The following BMP5 variants were observed in gnomAD, a reference collection of about 807,000 sequenced individuals.
BMP5 encodes the protein bone morphogenetic protein 5.
BMP5 carries 23 observed loss-of-function variants against 46.6 expected under a neutral mutation model. The observed-to-expected ratio is 0.49, with a 90% CI of 0.35 to 0.70. The LOEUF is 0.70. Ranked by LOEUF, BMP5 falls within the 30% of genes least tolerant of loss-of-function variation. BMP5 has a pLI of 0.00. For synonymous variants in BMP5, 204 were observed against 191.9 expected (o/e 1.06, Z -0.52); for missense variants, 545 against 565.6 (o/e 0.96, Z 0.37).
At chr6:55,806,633 G>C (rs1375932329) in intron 2 of BMP5, among the ~76,000 whole-genome samples, 5 of 152,114 alleles carry the variant, frequency 3.3e-5, no homozygotes, top group Admixed American at 3.3e-4. Flanking sequence ...GATGGGAATA[G>C]CACTGAATCT....
chr6:55,817,680 A>G (rs1462348186), intron 2 of BMP5, among the ~76,000 whole-genome samples: 1 of 152,086 alleles, frequency 6.6e-6, no homozygotes, highest in Admixed American at 6.6e-5. Context: ...CAGCACACCA[A>G]CATGGCACAT....
chr6:55,841,183 G>T (rs1274284556), intron 1 of BMP5, among the ~76,000 whole-genome samples: 1 of 152,166 alleles, frequency 6.6e-6, no homozygotes, highest in African/African-American at 2.4e-5. Flanking sequence ...TGGAAAAATT[G>T]TCTTCCTCAA....
At chr6:55,835,377 T>C (rs1010416514) in intron 1 of BMP5, among the ~76,000 whole-genome samples, 3 of 152,170 alleles carry the variant, frequency 2.0e-5, no homozygotes, top group Admixed American at 1.3e-4. Context: ...GCAGAAATTA[T>C]TTCCTGGATT....
intron 1 of BMP5, among the ~76,000 whole-genome samples, chr6:55,859,459 T>C (rs1207204880): frequency 1.3e-5 from 2 of 152,230 alleles, no homozygotes; most frequent in African/African-American, 2.4e-5. Flanking sequence ...ATGAATTGTC[T>C]AGCTGATATT....
chr6:55,762,077 T>C (rs2127516413), intron 4 of BMP5, among the ~76,000 whole-genome samples: 1 of 152,232 alleles, frequency 6.6e-6, no homozygotes, highest in South Asian at 2.1e-4. Flanking sequence ...AATATAAATG[T>C]AGAATTTCAA....
intron 1 of BMP5, among the ~76,000 whole-genome samples, chr6:55,831,984 T>A (rs1473697517): frequency 6.6e-6 from 1 of 151,674 alleles, no homozygotes; most frequent in Non-Finnish European, 1.5e-5. Flanking sequence ...AGAAGGGAGA[T>A]TTCAGGACAA....
In BMP5 at chr6:55,774,181, G is replaced by T. The variant is rs1003391561; in HGVS notation, c.895C>A (p.Pro299Thr). ...GCCTTGAAGAAGGCCACCATGAATG[G>T]TTGTTTTGACTGAGGTCCCTGTCTT... ...VGRQGPQSKQ[P>T]FMVAFFKASE... The change falls in exon 4 of 7, where the codon CCA (proline) becomes ACA (threonine). Residue 299 changes from proline to threonine, a missense_variant. By Grantham distance (38) the Pro-to-Thr change is conservative. Transcript: ENST00000370830. 6.2e-7 allele frequency: 1 copy of T among 1,612,912 alleles called. No individual in the cohort carries two copies. The highest frequency in any genetic ancestry group is 1.7e-5 in the Admixed American group (1 of 59,850).
chr6:55,808,741 G>C (rs990269752), intron 2 of BMP5, among the ~76,000 whole-genome samples: 4 of 152,158 alleles, frequency 2.6e-5, no homozygotes, highest in African/African-American at 9.7e-5. Context: ...GAGGCCCTCA[G>C]GTGGGCCACC....
At chr6:55,857,829 C>T (rs1215161344) in intron 1 of BMP5, among the ~76,000 whole-genome samples, 1 of 144,844 alleles carries the variant, frequency 6.9e-6, no homozygotes, top group Admixed American at 6.8e-5. Context: ...ACCTCCACCT[C>T]CCAGGCTCAA....
At chr6:55,839,326 T>A (rs531730799) in intron 1 of BMP5, among the ~76,000 whole-genome samples, 1 of 152,236 alleles carries the variant, frequency 6.6e-6, no homozygotes, top group Admixed American at 6.5e-5. Context: ...TCATCATTTA[T>A]TATTAATTTA....
At chr6:55,817,898 T>C (rs1033939342) in intron 2 of BMP5, among the ~76,000 whole-genome samples, 2 of 152,166 alleles carry the variant, frequency 1.3e-5, no homozygotes, top group Non-Finnish European at 2.9e-5. Flanking sequence ...ATGTACATAA[T>C]GGAAACCCTG....
At chr6:55,860,138 A>T (rs1413168279) in intron 1 of BMP5, among the ~76,000 whole-genome samples, 1 of 152,148 alleles carries the variant, frequency 6.6e-6, no homozygotes, top group Admixed American at 6.5e-5. Flanking sequence ...AGCCATGTGC[A>T]GTGGCATGGG....
At chr6:55,781,566 C>A (rs1775318026) in intron 3 of BMP5, among the ~76,000 whole-genome samples, 1 of 150,976 alleles carries the variant, frequency 6.6e-6, no homozygotes, top group Non-Finnish European at 1.5e-5. Context: ...TACTGAGTAT[C>A]TAAAGGAGAT....
At chr6:55,819,881 G>A in intron 1 of BMP5, 34 bp from the exon 2 acceptor site, 8 of 1,533,854 alleles carry the variant, frequency 5.2e-6, no homozygotes, top group Non-Finnish European at 7.2e-6. Context: ...GGGGAAAAAA[G>A]TTAGTCTTTT....
At chr6:55,786,251 GA>G (rs1562037353) in intron 3 of BMP5, among the ~76,000 whole-genome samples, 1 of 151,622 alleles carries the variant, frequency 6.6e-6, no homozygotes, top group East Asian at 1.9e-4. Context: ...TTTTATACAT[GA>G]ATATAATGCT....
At chr6:55,874,159 C>T (rs1777846608) in intron 1 of BMP5, among the ~76,000 whole-genome samples, 1 of 151,726 alleles carries the variant, frequency 6.6e-6, no homozygotes, top group South Asian at 2.1e-4. Flanking sequence ...CTGAAAAGAC[C>T]CACACTATAA....
intron 1 of BMP5, among the ~76,000 whole-genome samples, chr6:55,837,306 AT>A (rs1252523331): frequency 2.0e-5 from 3 of 151,756 alleles, no homozygotes; most frequent in Non-Finnish European, 4.4e-5. Flanking sequence ...AAAGAAAAAA[AT>A]GACTCTTTAT....
At chr6:55,769,033 C>A (rs1774983472) in intron 4 of BMP5, among the ~76,000 whole-genome samples, 1 of 151,928 alleles carries the variant, frequency 6.6e-6, no homozygotes, top group Non-Finnish European at 1.5e-5. Flanking sequence ...GAGTCTTCAG[C>A]AAGTTGTAAT....
chr6:55,857,599 C>T (rs969441161), intron 1 of BMP5, among the ~76,000 whole-genome samples: 5 of 152,138 alleles, frequency 3.3e-5, no homozygotes, highest in Admixed American at 3.3e-4. Flanking sequence ...AATGCTTTGA[C>T]TCAAAAATCA....
Sources: gnomAD v4.1 joint callset for allele counts (sites outside exome capture counted in the v4.1 genomes callset) on GRCh38, gnomAD v4.1.1 for gene constraint, MANE v1.5 for transcripts, NCBI Gene and HGNC (gene_info 2026-07-23, HGNC 2026-07-21) for gene names.